The following PHF14 variants were observed in gnomAD, a reference collection of about 807,000 sequenced individuals.
PHF14 encodes the protein PHD finger protein 14.
Under a neutral mutation model 117.9 loss-of-function variants are expected in PHF14, and 55 were observed. The observed-to-expected ratio is 0.47, with a 90% CI of 0.38 to 0.58. PHF14 has a LOEUF of 0.58. Among genes scored for constraint, PHF14 ranks in the 20% least tolerant of loss-of-function variants. The probability of loss-of-function intolerance (pLI) is 0.00; values close to 1 mark genes in which losing one functional copy is unlikely to be tolerated. For missense variants in PHF14, 978 were observed against 1,122.2 expected (o/e 0.87, Z 1.84); for synonymous variants, 409 against 368.6 (o/e 1.11, Z -1.26).
chr7:11,062,171 C>A, intron 16 of PHF14, 86 bp downstream of exon 16: 1 of 1,102,640 alleles, frequency 9.1e-7, no homozygotes, highest in Non-Finnish European at 1.3e-6. Context: ...AAAACAATTG[C>A]AGGATAAGAC....
chr7:11,058,119 C>T (rs955173070), intron 14 of PHF14, among the ~76,000 whole-genome samples: 1 of 152,134 alleles, frequency 6.6e-6, no homozygotes. Context: ...TTTATTGTTG[C>T]TAAAGTAGTT....
At chr7:10,994,213 G>GA (rs1782554060) in intron 4 of PHF14, among the ~76,000 whole-genome samples, 1 of 152,120 alleles carries the variant, frequency 6.6e-6, no homozygotes, top group African/African-American at 2.4e-5. Flanking sequence ...CCGAGGCAGT[G>GA]AATCACTTGA....
rs183752359 is a variant in PHF14, at chr7:11,006,429, C to G, written c.1046-7318C>G. ...TGATCCCAATTTTGTTGGCAAGATT[C>G]AAAGCATTGTAATCAGGAGCCAGTC... On this transcript the variant is annotated intron_variant, in intron 4 of 17. Coordinates refer to ENST00000634607, the MANE Select transcript of PHF14 (RefSeq NM_001007157.2). The G allele has an allele frequency of 7.6e-5, 40 of 528,510 alleles. No individual in the cohort carries two copies. In the East Asian group the frequency reaches 1.8e-3, roughly 23 times the overall value. 32.7% of individuals were successfully genotyped at this position (528,510 alleles called of 1,614,324 possible). A position where few individuals can be genotyped will look rare whatever the true frequency, so the allele number is the denominator to read the frequency against.
At chr7:11,120,647 A>G (rs1787724788) in intron 17 of PHF14, among the ~76,000 whole-genome samples, 2 of 152,004 alleles carry the variant, frequency 1.3e-5, no homozygotes, top group Admixed American at 6.6e-5. Context: ...AGTATATGCT[A>G]TCCTATCAGA....
At position 11,106,216 on chromosome 7, in the gene PHF14, C is replaced by T. The variant is rs557925352; in HGVS notation, c.2655-5134C>T. The T allele has an allele frequency of 9.2e-6, 9 of 978,384 alleles. No homozygotes were observed. The East Asian group carries it at 1.0e-3, about 111-fold the overall frequency. The allele number at this position is 978,384 out of a possible 1,614,324, so 60.6% of individuals were successfully genotyped here. ...TGAATTGATCCCACTCTTTAAGTGA[C>T]TATTAAATACAGATTTGGATTTGGA... On this transcript the variant is annotated intron_variant, in intron 16 of 17. Transcript: ENST00000634607.
At chr7:11,009,021 GTGAGACTC>G (rs1261376812) in intron 4 of PHF14, among the ~76,000 whole-genome samples, 1 of 138,866 alleles carries the variant, frequency 7.2e-6, no homozygotes, top group East Asian at 2.0e-4. Flanking sequence ...GGGCGACAGA[GTGAGACTC>G]TGTCTCAAAA....
At chr7:11,088,420 A>G (rs1455446095) in intron 16 of PHF14, among the ~76,000 whole-genome samples, 1 of 150,752 alleles carries the variant, frequency 6.6e-6, no homozygotes, top group Non-Finnish European at 1.5e-5. Context: ...ACACACACGC[A>G]CACACACACA....
chr7:11,164,653 C>T (rs1562492011), intron 17 of PHF14, among the ~76,000 whole-genome samples: 1 of 152,108 alleles, frequency 6.6e-6, no homozygotes. Context: ...TTTAAATTTA[C>T]AGAAAATTTG....
chr7:11,050,585 C>T (rs928202170), intron 13 of PHF14, among the ~76,000 whole-genome samples: 2 of 152,088 alleles, frequency 1.3e-5, no homozygotes, highest in Non-Finnish European at 2.9e-5. Context: ...GAAATTTTCT[C>T]AGTGGTATTT....
intron 16 of PHF14, among the ~76,000 whole-genome samples, chr7:11,085,016 T>A (rs1786331695): frequency 6.6e-6 from 1 of 152,192 alleles, no homozygotes; most frequent in African/African-American, 2.4e-5. Flanking sequence ...TTTTGCTTTA[T>A]TGCTAATGGT....
In PHF14 at chr7:11,035,671, A is replaced by G; in HGVS notation, c.1487A>G (p.Lys496Arg). The change falls in exon 8 of 18, where the codon AAG becomes AGG. Residue 496 changes from lysine to arginine, a missense_variant. By Grantham distance (26) the Lys-to-Arg change is conservative (BLOSUM62 2). Around this residue, in one of 7 missense-constraint regions of PHF14, gnomAD observed 23 missense variants for 66.8 expected, o/e 0.34. Transcript: ENST00000634607. ...GCAGATCCATTCTTTGCTTATTGTA[A>G]GCAACATGCAGATAGGTTAGACAGA... ...DIADPFFAYC[K>R]QHADRLDRKW... is the part of the protein sequence containing the mutation. 1 of 1,609,906 alleles carries G rather than the reference A, an allele frequency of 6.2e-7. No individual in the cohort carries two copies. The highest frequency in any genetic ancestry group is 8.5e-7 in the Non-Finnish European group (1 of 1,176,780).
chr7:11,053,744 A>T (rs1784922664), intron 14 of PHF14, among the ~76,000 whole-genome samples: 1 of 152,114 alleles, frequency 6.6e-6, no homozygotes, highest in Admixed American at 6.5e-5. Context: ...CTTGAGATAA[A>T]AGAGAACTCT....
intron 2 of PHF14, among the ~76,000 whole-genome samples, chr7:10,980,892 A>G (rs1302447052): frequency 3.3e-5 from 5 of 152,244 alleles, no homozygotes; most frequent in African/African-American, 1.2e-4. Flanking sequence ...GGAATTGCTG[A>G]CCCGTATGAT....
rs972991299 is a variant in PHF14 at position 11,063,692 on chromosome 7, A to G, written c.2654+1607A>G. 9.9e-6 allele frequency: 9 copies of G among 906,796 alleles called. No homozygotes were observed. In the South Asian group the frequency reaches 4.6e-4, roughly 46 times the overall value. The allele number at this position is 906,796 out of a possible 1,614,324, so 56.2% of individuals were successfully genotyped here. ...TGTTTTGCTTTTGTCATATATTGGAAATTAGGAACCTGAGAAATACAATTT... is the reference window on the plus strand; with the variant it reads ...TGTTTTGCTTTTGTCATATATTGGAGATTAGGAACCTGAGAAATACAATTT... On this transcript the variant is annotated intron_variant, in intron 16 of 17. Transcript: ENST00000634607.
intron 2 of PHF14, among the ~76,000 whole-genome samples, chr7:10,976,034 A>G (rs1781851481): frequency 6.6e-6 from 1 of 152,192 alleles, no homozygotes; most frequent in Non-Finnish European, 1.5e-5. Flanking sequence ...AGGAGATACC[A>G]TTTTACAGGT....
At chr7:11,061,738 A>G (rs982676382) in intron 14 of PHF14, 53 bp from the exon 15 acceptor site, 18 of 1,297,426 alleles carry the variant, frequency 1.4e-5, no homozygotes, top group Non-Finnish European at 1.9e-5. Flanking sequence ...TTAATTAAAC[A>G]TTAGATATAC....
intron 4 of PHF14, among the ~76,000 whole-genome samples, chr7:11,011,871 G>A (rs973765431): frequency 1.6e-4 from 25 of 152,126 alleles, no homozygotes; most frequent in African/African-American, 5.8e-4. Context: ...TTCATTGTTG[G>A]TTATCAGTAA....
At chr7:11,082,812 G>A (rs1786202006) in intron 16 of PHF14, among the ~76,000 whole-genome samples, 4 of 152,062 alleles carry the variant, frequency 2.6e-5, no homozygotes, top group Admixed American at 2.6e-4. Context: ...TTTTTCTTCT[G>A]TGTGGGATAT....
chr7:11,022,858 C>T lies in PHF14; in HGVS notation c.1206-10C>T. Reference sequence around the variant, plus strand: ...AGATTTGATAGCAAAATCATATCTTCTCTTCTTAGATGGGTTCATATTGTT... The same window carrying T: ...AGATTTGATAGCAAAATCATATCTTTTCTTCTTAGATGGGTTCATATTGTT... On this transcript the variant is annotated splice_polypyrimidine_tract_variant and intron_variant, in intron 5 of 17. Coordinates refer to ENST00000634607, the MANE Select transcript of PHF14 (RefSeq NM_001007157.2). The T allele has an allele frequency of 1.4e-6, 2 of 1,473,088 alleles. No individual in the cohort carries two copies. Among genetic ancestry groups the T allele is most frequent in the Non-Finnish European group, 1.9e-6 (2 of 1,075,574 alleles). The allele number at this position is 1,473,088 out of a possible 1,614,324, so 91.3% of individuals were successfully genotyped here.
Sources: allele counts gnomAD v4.1 joint callset (sites outside exome capture counted in the v4.1 genomes callset), GRCh38; gene constraint gnomAD v4.1.1; regional missense constraint gnomAD v4.1.1; transcripts MANE v1.5; gene names NCBI Gene and HGNC (gene_info 2026-07-23, HGNC 2026-07-21).